KCNH7: variants seen among roughly 807,000 people sequenced by gnomAD.
KCNH7 encodes the protein voltage-gated inwardly rectifying potassium channel KCNH7.
KCNH7 carries 49 observed loss-of-function variants against 120.8 expected under a neutral mutation model. That is an observed-to-expected ratio of 0.41 (90% CI 0.32 to 0.51). The LOEUF (loss-of-function observed/expected upper bound fraction) is 0.51. Ranked by LOEUF, KCNH7 falls within the 20% of genes least tolerant of loss-of-function variation. KCNH7 has a pLI of 0.38. For missense variants in KCNH7, 1,097 were observed against 1,446.6 expected, an observed-to-expected ratio of 0.76 and a Z score of 3.92; for synonymous variants, 547 against 516.1, an observed-to-expected ratio of 1.06 and a Z score of -0.81.
intron 2 of KCNH7, among the ~76,000 whole-genome samples, chr2:162,655,630 A>C (rs1684725708): frequency 7.1e-6 from 1 of 141,636 alleles, no homozygotes; most frequent in Non-Finnish European, 1.5e-5. Flanking sequence ...ACTAAAAATA[A>C]AGAAAAAAAA....
intron 6 of KCNH7, among the ~76,000 whole-genome samples, chr2:162,477,405 T>A (rs1689782221): frequency 6.6e-6 from 1 of 152,174 alleles, no homozygotes; most frequent in Non-Finnish European, 1.5e-5. Flanking sequence ...CCTTCTTCCT[T>A]TGGGCTCTCT....
Position 162,717,704 on chromosome 2 carries a change from T to A in KCNH7, c.307+118833A>T, listed in dbSNP as rs552433126. Among the ~76,000 whole-genome samples the A allele has an allele frequency of 2.6e-5, 4 of 152,236 alleles. No individual in the cohort carries two copies. The South Asian group carries it at 8.3e-4, about 32-fold the overall frequency. On this transcript the variant is annotated intron_variant, in intron 2 of 15. Transcript: ENST00000332142. ...CCCTGACTTTATATTAGTCACCACG[T>A]ATTTATTTTCAGTTTCTTTCACTGG... is the stretch of plus-strand genomic sequence containing the variant.
At chr2:162,514,951 A>G (rs1304548379) in intron 4 of KCNH7, among the ~76,000 whole-genome samples, 1 of 151,824 alleles carries the variant, frequency 6.6e-6, no homozygotes, top group Non-Finnish European at 1.5e-5. Flanking sequence ...AATCTTGTGC[A>G]TGATTTCACC....
At chr2:162,711,430 G>A (rs1183088981) in intron 2 of KCNH7, among the ~76,000 whole-genome samples, 1 of 152,232 alleles carries the variant, frequency 6.6e-6, no homozygotes, top group Non-Finnish European at 1.5e-5. Context: ...CTGGTCCTTT[G>A]GGAAACAGGT....
At chr2:162,398,568 A>T (rs1223944658) in intron 10 of KCNH7, among the ~76,000 whole-genome samples, 2 of 151,866 alleles carry the variant, frequency 1.3e-5, no homozygotes, top group African/African-American at 2.4e-5. Flanking sequence ...TATTGTTTTT[A>T]AAAAAGACCT....
rs184567160 is a variant in KCNH7 at position 162,837,554 on chromosome 2, C to T, written c.77-787G>A. Among the ~76,000 whole-genome samples, 316 of 152,252 alleles carry T rather than the reference C, an allele frequency of 2.1e-3. 1 individual carries two copies. Among genetic ancestry groups the T allele is most frequent in the Non-Finnish European group, 3.6e-3 (247 of 68,008 alleles). On this transcript the variant is annotated intron_variant, in intron 1 of 15. Transcript: ENST00000332142. ...AGGATATACAAGTTTAGTTTGTACG[C>T]AAGGTACCAGATCCTCACATCACTA...
At chr2:162,424,976 G>A (rs981948424) in intron 8 of KCNH7, among the ~76,000 whole-genome samples, 4 of 152,132 alleles carry the variant, frequency 2.6e-5, no homozygotes, top group African/African-American at 9.7e-5. Context: ...ATTAGCATTT[G>A]GTTCAGTAAA....
intron 2 of KCNH7, among the ~76,000 whole-genome samples, chr2:162,700,533 C>T (rs1359555440): frequency 1.3e-5 from 2 of 151,946 alleles, no homozygotes; most frequent in East Asian, 1.9e-4. Flanking sequence ...GACTGCCATT[C>T]GTTGCTCTAC....
chr2:162,551,328 A>G (rs185940088), intron 2 of KCNH7, among the ~76,000 whole-genome samples: 1 of 152,314 alleles, frequency 6.6e-6, no homozygotes, highest in East Asian at 1.9e-4. Context: ...CAAATCTTGC[A>G]CAATTAAGTG....
intron 2 of KCNH7, among the ~76,000 whole-genome samples, chr2:162,763,647 G>A (rs933440942): frequency 5.3e-5 from 8 of 151,814 alleles, no homozygotes; most frequent in Admixed American, 1.3e-4. Context: ...TGAATGACCA[G>A]GGGAAGTTAG....
intron 2 of KCNH7, among the ~76,000 whole-genome samples, chr2:162,549,309 T>C (rs1466420551): frequency 6.6e-6 from 1 of 152,224 alleles, no homozygotes; most frequent in African/African-American, 2.4e-5. Context: ...TAGAAATATG[T>C]TGGATATAAA....
At chr2:162,719,795 C>G (rs34183034) in intron 2 of KCNH7, among the ~76,000 whole-genome samples, 3,431 of 152,052 alleles carry the variant, frequency 0.023, 74 homozygotes, top group East Asian at 0.12. Flanking sequence ...AACAAAATAA[C>G]CTCTCCTAAG....
chr2:162,511,643 C>T (rs1408369879), intron 5 of KCNH7, among the ~76,000 whole-genome samples: 2 of 151,648 alleles, frequency 1.3e-5, no homozygotes, highest in Non-Finnish European at 3.0e-5. Flanking sequence ...CCCTAGGTTG[C>T]TGACCAAACA....
intron 2 of KCNH7, among the ~76,000 whole-genome samples, chr2:162,629,648 C>G (rs1298096001): frequency 6.6e-6 from 1 of 152,038 alleles, no homozygotes; most frequent in Non-Finnish European, 1.5e-5. Context: ...TTTGCTCACA[C>G]AAGCTCTCCA....
intron 14 of KCNH7, among the ~76,000 whole-genome samples, chr2:162,378,499 G>T (rs1363328380): frequency 2.0e-5 from 3 of 152,114 alleles, no homozygotes; most frequent in Non-Finnish European, 4.4e-5. Flanking sequence ...TGTGATATAG[G>T]CAAAACTCAT....
chr2:162,818,578 A>C (rs1684996135), intron 2 of KCNH7, among the ~76,000 whole-genome samples: 1 of 152,084 alleles, frequency 6.6e-6, no homozygotes. Flanking sequence ...TTCCATTTTT[A>C]TACAAATTTT....
intron 6 of KCNH7, among the ~76,000 whole-genome samples, chr2:162,498,142 G>T (rs572141512): frequency 6.6e-6 from 1 of 152,040 alleles, no homozygotes; most frequent in East Asian, 1.9e-4. Flanking sequence ...GCTCATTAAG[G>T]TCCCTTCACA....
At chr2:162,610,526 C>G (rs941129490) in intron 2 of KCNH7, among the ~76,000 whole-genome samples, 1 of 152,202 alleles carries the variant, frequency 6.6e-6, no homozygotes, top group African/African-American at 2.4e-5. Flanking sequence ...GACAAAGATT[C>G]TGTAATTTTA....
chr2:162,505,906 A>C (rs1574040606), intron 5 of KCNH7, among the ~76,000 whole-genome samples: 1 of 151,894 alleles, frequency 6.6e-6, no homozygotes, highest in Non-Finnish European at 1.5e-5. Flanking sequence ...CATTTTGGAC[A>C]ATAATCAATC....
Sources: gnomAD v4.1 joint callset for allele counts (sites outside exome capture counted in the v4.1 genomes callset) on GRCh38, gnomAD v4.1.1 for gene constraint, MANE v1.5 for transcripts, NCBI Gene and HGNC (gene_info 2026-07-23, HGNC 2026-07-21) for gene names.